The following ETV6 variants were observed in gnomAD, a reference collection of about 807,000 sequenced individuals.
ETV6 encodes the protein ETS variant transcription factor 6.
A neutral mutation model predicts 51.1 loss-of-function variants in ETV6; 16 were observed. That is an observed-to-expected ratio of 0.31 (90% CI 0.21 to 0.48). The LOEUF is 0.48. Among genes scored for constraint, ETV6 ranks in the 20% least tolerant of loss-of-function variants. The pLI is 0.99. For missense variants in ETV6, 458 were observed against 594.8 expected (o/e 0.77, Z 2.39); for synonymous variants, 240 against 224.1 (o/e 1.07, Z -0.64).
rs949225574 is a variant in ETV6 at position 11,682,425 on chromosome 12, G to A, written c.33+32265G>A. ...TTTTAGATGGGGTTGTTTTTTCCTTGTAAATTTGTTTTAAGTTCCTTCTAG... is the reference window on the plus strand; with the variant it reads ...TTTTAGATGGGGTTGTTTTTTCCTTATAAATTTGTTTTAAGTTCCTTCTAG... On this transcript the variant is annotated intron_variant, in intron 1 of 7. Coordinates refer to ENST00000396373, the MANE Select transcript of ETV6 (RefSeq NM_001987.5). Among the ~76,000 whole-genome samples, 4 of 152,016 alleles carry A rather than the reference G, an allele frequency of 2.6e-5. No homozygotes were observed. The East Asian group carries it at 5.8e-4, about 22-fold the overall frequency.
In ETV6 at chr12:11,668,316, C is replaced by G. The variant is rs1023381654; in HGVS notation, c.33+18156C>G. Among the ~76,000 whole-genome samples, 5 of 138,850 alleles carry G rather than the reference C, an allele frequency of 3.6e-5. No individual in the cohort carries two copies. In the East Asian group the frequency reaches 1.0e-3, roughly 29 times the overall value. 91.1% of individuals were successfully genotyped at this position (138,850 alleles called of 152,430 possible). ...TAGATGTGTGGGAGGGACACCCTCC[C>G]CTTCCTCCACCCAGCAAAAGCTAAC... On this transcript the variant is annotated intron_variant, in intron 1 of 7. Transcript: ENST00000396373.
intron 3 of ETV6, among the ~76,000 whole-genome samples, chr12:11,845,256 T>G (rs1214499327): frequency 2.0e-5 from 3 of 152,258 alleles, no homozygotes; most frequent in Non-Finnish European, 2.9e-5. Flanking sequence ...CTTACTAAAC[T>G]TAAGAAGTTA....
At chr12:11,734,802 T>C (rs1307027831) in intron 1 of ETV6, among the ~76,000 whole-genome samples, 2 of 152,166 alleles carry the variant, frequency 1.3e-5, no homozygotes, top group African/African-American at 2.4e-5. Context: ...CAGTAAGTGC[T>C]AGAGCCAAGA....
intron 2 of ETV6, among the ~76,000 whole-genome samples, chr12:11,831,281 A>G (rs547636014): frequency 6.6e-6 from 1 of 152,218 alleles, no homozygotes; most frequent in Non-Finnish European, 1.5e-5. Context: ...GCTGGAGTGC[A>G]GTGGTGCAAT....
intron 2 of ETV6, among the ~76,000 whole-genome samples, chr12:11,788,756 GTTTT>G (rs1336998892): frequency 9.8e-6 from 1 of 102,452 alleles, no homozygotes; most frequent in Non-Finnish European, 2.2e-5. Flanking sequence ...GCTTGTATTG[GTTTT>G]TTTTTTTTTT....
At position 11,883,276 on chromosome 12, in the gene ETV6, CTTTTTTTTTTTTT is replaced by C. The variant is rs547786286; in HGVS notation, c.1010-1146_1010-1134del. 5.4e-4 allele frequency among the ~76,000 whole-genome samples: 43 copies of C among 79,102 alleles called. 5 individuals are homozygous for C. Among genetic ancestry groups the C allele is most frequent in the Admixed American group, 1.3e-3 (8 of 6,394 alleles). 51.9% of individuals were successfully genotyped at this position (79,102 alleles called of 152,430 possible). ...GGGAAGGTGTACATCATGTCTTCTTCTTTTTTTTTTTTTTTTTTTTTTTTTTTTTTTTTTTGAG... is the reference window on the plus strand; with the variant it reads ...GGGAAGGTGTACATCATGTCTTCTTCTTTTTTTTTTTTTTTTTTTTTTGAG... On this transcript the variant is annotated intron_variant, in intron 5 of 7. Coordinates refer to ENST00000396373, the MANE Select transcript of ETV6 (RefSeq NM_001987.5).
At chr12:11,727,543 A>G (rs1865513091) in intron 1 of ETV6, among the ~76,000 whole-genome samples, 1 of 152,226 alleles carries the variant, frequency 6.6e-6, no homozygotes, top group Admixed American at 6.5e-5. Context: ...GACTCAGAGA[A>G]GAAGAAGTAA....
intron 1 of ETV6, among the ~76,000 whole-genome samples, chr12:11,687,483 A>C (rs205532): frequency 0.98 from 148,575 of 152,182 alleles, 72,627 homozygotes; most frequent in East Asian, 1. Flanking sequence ...CCAGCGCCAC[A>C]CCCCCTTTTT....
chr12:11,777,587 C>T (rs1357599845), intron 2 of ETV6, among the ~76,000 whole-genome samples: 1 of 151,968 alleles, frequency 6.6e-6, no homozygotes, highest in Non-Finnish European at 1.5e-5. Context: ...TTTCCATTGT[C>T]CCCTCCCCAC....
chr12:11,809,537 C>T (rs548289074), intron 2 of ETV6, among the ~76,000 whole-genome samples: 43 of 152,238 alleles, frequency 2.8e-4, no homozygotes, highest in South Asian at 8.3e-4. Context: ...ATAATTACCT[C>T]GAACTGTATA....
rs1491493848 is a variant in ETV6 at position 11,892,252 on chromosome 12, A to AAAG, written c.*1207_*1209dup. 6.3e-6 allele frequency: 1 copy of AAAG among 157,610 alleles called. No individual in the cohort carries two copies. The highest frequency in any genetic ancestry group is 7.2e-5 in the East Asian group (1 of 13,942). 9.8% of individuals were successfully genotyped at this position (157,610 alleles called of 1,614,324 possible). On this transcript the variant is annotated 3_prime_UTR_variant, in exon 8 of 8. Transcript: ENST00000396373. Reference sequence around the variant, plus strand: ...TTTTTTTCAATTCCTAACCTTTTTTAAAGTTTCCTGGTCTCCACTGGACAC... The same window carrying AAAG: ...TTTTTTTCAATTCCTAACCTTTTTTAAAGAAGTTTCCTGGTCTCCACTGGACAC...
chr12:11,842,597 G>C (rs1481169046), intron 3 of ETV6, among the ~76,000 whole-genome samples: 3 of 152,228 alleles, frequency 2.0e-5, no homozygotes, highest in Non-Finnish European at 4.4e-5. Flanking sequence ...AATGTAGGTT[G>C]AATGATGACC....
intron 1 of ETV6, among the ~76,000 whole-genome samples, chr12:11,722,447 A>G (rs1234385709): frequency 1.2e-4 from 18 of 152,328 alleles, no homozygotes; most frequent in Non-Finnish European, 2.9e-5. Flanking sequence ...AAATTAACAC[A>G]CTGGAAGCAA....
intron 4 of ETV6, among the ~76,000 whole-genome samples, chr12:11,855,732 C>G (rs750100659): frequency 6.6e-6 from 1 of 152,196 alleles, no homozygotes; most frequent in African/African-American, 2.4e-5. Context: ...AACAGCATTT[C>G]GTGCACGCTC....
intron 4 of ETV6, among the ~76,000 whole-genome samples, chr12:11,864,565 A>G (rs1309080989): frequency 6.6e-6 from 1 of 152,208 alleles, no homozygotes; most frequent in Non-Finnish European, 1.5e-5. Flanking sequence ...GACAAAAGAT[A>G]AATACATTTC....
intron 2 of ETV6, among the ~76,000 whole-genome samples, chr12:11,768,524 T>C (rs1225497595): frequency 1.3e-5 from 2 of 152,206 alleles, no homozygotes; most frequent in Non-Finnish European, 2.9e-5. Context: ...CTGTGTTCTT[T>C]ATCCCCTCAG....
chr12:11,846,529 G>A (rs1320996708), intron 3 of ETV6, among the ~76,000 whole-genome samples: 1 of 151,972 alleles, frequency 6.6e-6, no homozygotes, highest in Non-Finnish European at 1.5e-5. Context: ...TAATAAGAAC[G>A]TTTAAACTAA....
chr12:11,850,130 C>T (rs17819067), intron 3 of ETV6, among the ~76,000 whole-genome samples: 5,173 of 152,214 alleles, frequency 0.034, 133 homozygotes, highest in Middle Eastern at 0.078. Context: ...ACTCCCAATA[C>T]CTTATTAGTC....
At chr12:11,730,212 C>G (rs1657018365) in intron 1 of ETV6, among the ~76,000 whole-genome samples, 1 of 152,210 alleles carries the variant, frequency 6.6e-6, no homozygotes, top group South Asian at 2.1e-4. Flanking sequence ...AAGAGACCAG[C>G]AGCAGGCCTT....
Sources: gnomAD v4.1 joint callset for allele counts (sites outside exome capture counted in the v4.1 genomes callset) on GRCh38, gnomAD v4.1.1 for gene constraint, MANE v1.5 for transcripts, NCBI Gene and HGNC (gene_info 2026-07-23, HGNC 2026-07-21) for gene names.